RUNX2: variants seen among roughly 807,000 people sequenced by gnomAD.
RUNX2 encodes RUNX family transcription factor 2.
RUNX2 carries 10 observed loss-of-function variants against 51.7 expected under a neutral mutation model. The ratio of observed to expected loss-of-function variants is 0.19; its 90% CI spans 0.12 to 0.33. The LOEUF (loss-of-function observed/expected upper bound fraction) is 0.33. Among genes scored for constraint, RUNX2 ranks in the 10% least tolerant of loss-of-function variants. The pLI is 1.00. For missense variants in RUNX2, 562 were observed against 691.3 expected (o/e 0.81, Z 2.10); for synonymous variants, 276 against 273.6 (o/e 1.01, Z -0.09).
chr6:45,423,553 C>A lies in RUNX2; in HGVS notation c.423+596C>A, dbSNP rs1177784237. Among the ~76,000 whole-genome samples, 5 of 152,344 alleles carry A rather than the reference C, an allele frequency of 3.3e-5. No homozygotes were observed. In the South Asian group the frequency reaches 1.0e-3, roughly 32 times the overall value. ...TTCAGCGGTCCTGGTCCCTCCCGGG[C>A]TCCCGTGCCGGGATTCGTGGGGTGC... On this transcript the variant is annotated intron_variant, in intron 3 of 8. Coordinates refer to ENST00000647337, the MANE Select transcript of RUNX2 (RefSeq NM_001024630.4).
intron 2 of RUNX2, among the ~76,000 whole-genome samples, chr6:45,344,438 T>G (rs1372129474): frequency 4.6e-5 from 7 of 151,702 alleles, no homozygotes; most frequent in Non-Finnish European, 8.8e-5. Context: ...CTCTGATGGT[T>G]TTTTTTTTCA....
chr6:45,519,037 C>A (rs185940155), intron 7 of RUNX2, among the ~76,000 whole-genome samples: 4 of 152,170 alleles, frequency 2.6e-5, no homozygotes, highest in Non-Finnish European at 5.9e-5. Flanking sequence ...TACTAGAAAT[C>A]GCTGAATCAT....
chr6:45,446,950 A>G (rs1023782718), intron 5 of RUNX2, among the ~76,000 whole-genome samples: 2 of 152,250 alleles, frequency 1.3e-5, no homozygotes, highest in African/African-American at 4.8e-5. Flanking sequence ...GAAGGGCTCC[A>G]GTTCTCATAA....
At chr6:45,532,853 G>A (rs1011977014) in intron 7 of RUNX2, among the ~76,000 whole-genome samples, 13 of 151,572 alleles carry the variant, frequency 8.6e-5, no homozygotes, top group Admixed American at 2.6e-4. Flanking sequence ...AGCTACTACT[G>A]GACTACTGTG....
intron 2 of RUNX2, among the ~76,000 whole-genome samples, chr6:45,374,366 T>A (rs1227725010): frequency 6.6e-6 from 1 of 152,194 alleles, no homozygotes; most frequent in African/African-American, 2.4e-5. Context: ...ATTAACCTCT[T>A]ATGAACCTAG....
chr6:45,385,855 G>A (rs1001502855), intron 2 of RUNX2, among the ~76,000 whole-genome samples: 10 of 152,222 alleles, frequency 6.6e-5, no homozygotes, highest in East Asian at 5.8e-4. Flanking sequence ...AGCGAAGATC[G>A]CACCACTGCA....
At chr6:45,515,714 A>ATTG (rs1452357054) in intron 7 of RUNX2, among the ~76,000 whole-genome samples, 3 of 152,330 alleles carry the variant, frequency 2.0e-5, no homozygotes, top group South Asian at 4.1e-4. Context: ...TATTATTATT[A>ATTG]TTCGTAGATT....
intron 2 of RUNX2, among the ~76,000 whole-genome samples, chr6:45,404,837 C>G (rs1171798449): frequency 6.6e-6 from 1 of 152,226 alleles, no homozygotes; most frequent in Non-Finnish European, 1.5e-5. Flanking sequence ...AGTGATATAG[C>G]CATACGGTCA....
intron 2 of RUNX2, among the ~76,000 whole-genome samples, chr6:45,352,400 T>C (rs1334396362): frequency 1.3e-5 from 2 of 152,008 alleles, no homozygotes; most frequent in East Asian, 3.8e-4. Flanking sequence ...TAGATACAAA[T>C]CTAATAAATT....
chr6:45,464,417 T>C (rs1799566742), intron 5 of RUNX2, among the ~76,000 whole-genome samples: 1 of 152,200 alleles, frequency 6.6e-6, no homozygotes, highest in Non-Finnish European at 1.5e-5. Context: ...ACTTTTTTTT[T>C]TCTTTTTAGT....
chr6:45,534,732 A>G (rs1445722065), intron 7 of RUNX2, among the ~76,000 whole-genome samples: 1 of 152,256 alleles, frequency 6.6e-6, no homozygotes, highest in African/African-American at 2.4e-5. Context: ...GGCAGATGAC[A>G]CACACAAATT....
intron 2 of RUNX2, among the ~76,000 whole-genome samples, chr6:45,369,361 T>C (rs1795664762): frequency 6.6e-6 from 1 of 152,186 alleles, no homozygotes; most frequent in Non-Finnish European, 1.5e-5. Context: ...TTCCCAGATA[T>C]GTAAACAAAA....
At chr6:45,442,886 C>T (rs1251005072) in intron 5 of RUNX2, among the ~76,000 whole-genome samples, 1 of 152,076 alleles carries the variant, frequency 6.6e-6, no homozygotes, top group Non-Finnish European at 1.5e-5. Context: ...GATGCAACAG[C>T]AGGCCCCACT....
At chr6:45,513,481 A>G (rs2150422399) in intron 7 of RUNX2, 1 of 152,306 alleles carries the variant, frequency 6.6e-6, no homozygotes, top group Admixed American at 6.5e-5. Context: ...GCTGAGTTGC[A>G]TCACTGACAA....
chr6:45,521,941 C>T (rs1274028742), intron 7 of RUNX2, among the ~76,000 whole-genome samples: 3 of 152,132 alleles, frequency 2.0e-5, no homozygotes, highest in Non-Finnish European at 1.5e-5. Flanking sequence ...CTGCATTTCT[C>T]CAATTATTTA....
chr6:45,491,629 T>C (rs1459513213), intron 5 of RUNX2, among the ~76,000 whole-genome samples: 3 of 148,118 alleles, frequency 2.0e-5, no homozygotes, highest in Non-Finnish European at 1.5e-5. Flanking sequence ...TTTGTTTTTT[T>C]TTTTTTTTTT....
intron 5 of RUNX2, among the ~76,000 whole-genome samples, chr6:45,464,690 A>G (rs932762682): frequency 2.0e-5 from 3 of 152,226 alleles, no homozygotes; most frequent in African/African-American, 7.2e-5. Flanking sequence ...TCTGTATATG[A>G]TTGAGCAGCT....
chr6:45,388,634 A>G (rs1481721165), intron 2 of RUNX2, among the ~76,000 whole-genome samples: 1 of 152,226 alleles, frequency 6.6e-6, no homozygotes, highest in Non-Finnish European at 1.5e-5. Context: ...ATGATGAAGC[A>G]CAAACTATGT....
At chr6:45,409,510 G>A (rs193117629) in intron 2 of RUNX2, among the ~76,000 whole-genome samples, 6 of 152,186 alleles carry the variant, frequency 3.9e-5, no homozygotes, top group African/African-American at 9.6e-5. Context: ...TGTATATCTA[G>A]GGTAGATACT....
Sources: allele counts gnomAD v4.1 joint callset (sites outside exome capture counted in the v4.1 genomes callset), GRCh38; gene constraint gnomAD v4.1.1; transcripts MANE v1.5; gene names NCBI Gene and HGNC (gene_info 2026-07-23, HGNC 2026-07-21).